TRDN: variants seen among roughly 807,000 people sequenced by gnomAD.
The protein encoded by TRDN is triadin in skeletal muscle.
Under a neutral mutation model 149.7 loss-of-function variants are expected in TRDN, and 161 were observed. The ratio of observed to expected loss-of-function variants is 1.08; its 90% CI spans 0.95 to 1.23. The LOEUF (loss-of-function observed/expected upper bound fraction) is 1.23, where lower values mean the gene tolerates loss of function less well. Ranked by LOEUF, TRDN falls within the 50% of genes most tolerant of loss-of-function variation. TRDN has a pLI of 0.00. For missense variants in TRDN, 896 were observed against 823.5 expected (o/e 1.09, Z -1.08); for synonymous variants, 294 against 250.5 (o/e 1.17, Z -1.64).
chr6:123,454,930 T>C (rs1051396603), intron 10 of TRDN, among the ~76,000 whole-genome samples: 2 of 152,188 alleles, frequency 1.3e-5, no homozygotes, highest in Admixed American at 1.3e-4. Flanking sequence ...CTGATGTAAG[T>C]GACAGAACAA....
chr6:123,350,806 C>A (rs1780434309), intron 21 of TRDN: 1 of 982,212 alleles, frequency 1.0e-6, no homozygotes, highest in South Asian at 4.7e-5. Context: ...TTGAAAGAAC[C>A]TCATTTTTTT....
At chr6:123,284,006 A>ATATATATATATAT (rs1427267027) in intron 24 of TRDN, among the ~76,000 whole-genome samples, 13 of 119,458 alleles carry the variant, frequency 1.1e-4, no homozygotes, top group South Asian at 2.6e-4. Context: ...ATATATATGT[A>ATATATATATATAT]ACAAACCTGC....
chr6:123,464,326 C>T (rs1776656159), intron 10 of TRDN: 3 of 982,242 alleles, frequency 3.1e-6, no homozygotes, highest in Non-Finnish European at 3.6e-6. Flanking sequence ...TAGTATTAAC[C>T]ACCAGTTGTA....
intron 1 of TRDN, among the ~76,000 whole-genome samples, chr6:123,587,957 G>T (rs974164738): frequency 2.6e-5 from 4 of 152,124 alleles, no homozygotes; most frequent in African/African-American, 9.7e-5. Context: ...GGATGTGTAC[G>T]TGCAGGTCAC....
intron 26 of TRDN, among the ~76,000 whole-genome samples, chr6:123,276,707 C>A (rs960263326): frequency 6.6e-6 from 1 of 152,060 alleles, no homozygotes; most frequent in African/African-American, 2.4e-5. Context: ...CTGTGGAGGA[C>A]CCTCTTATCT....
chr6:123,395,211 C>T lies in TRDN; in HGVS notation c.1052-1534G>A, dbSNP rs557042413. 6.2e-4 allele frequency among the ~76,000 whole-genome samples: 95 copies of T among 152,240 alleles called. 3 individuals are homozygous for T. Among genetic ancestry groups the T allele is most frequent in the South Asian group, 4.4e-3 (21 of 4,824 alleles). Reference sequence around the variant, plus strand: ...TTGCAGCCAATTTTCCTCTTATCTTCTCCTTTTTCTTTATATCCTCTTAAA... The same window carrying T: ...TTGCAGCCAATTTTCCTCTTATCTTTTCCTTTTTCTTTATATCCTCTTAAA... On this transcript the variant is annotated intron_variant, in intron 12 of 40. Coordinates refer to ENST00000334268, the MANE Select transcript of TRDN (RefSeq NM_006073.4).
Position 123,385,254 on chromosome 6 carries a change from C to T in TRDN, c.1136-3107G>A, listed in dbSNP as rs569803221. 3.5e-4 allele frequency among the ~76,000 whole-genome samples: 53 copies of T among 151,820 alleles called. 1 individual carries two copies. Among genetic ancestry groups the T allele is most frequent in the African/African-American group, 1.1e-3 (46 of 41,428 alleles). On this transcript the variant is annotated intron_variant, in intron 14 of 40. Transcript: ENST00000334268. ...CATCCTGGCTAACACTGTGAAACCC[C>T]GTCTCTACTAAAAATACAAAAAAAT...
intron 13 of TRDN, among the ~76,000 whole-genome samples, chr6:123,389,841 A>G (rs564732188): frequency 2.6e-5 from 4 of 152,160 alleles, no homozygotes; most frequent in African/African-American, 9.6e-5. Context: ...CCAATGATAT[A>G]ATAAGGATAA....
chr6:123,520,995 G>A (rs1779651319), intron 5 of TRDN, among the ~76,000 whole-genome samples: 1 of 152,106 alleles, frequency 6.6e-6, no homozygotes, highest in Non-Finnish European at 1.5e-5. Flanking sequence ...TTTTTATAAA[G>A]GGCTTCAGGA....
At chr6:123,588,988 T>A (rs1001470291) in intron 1 of TRDN, among the ~76,000 whole-genome samples, 2 of 152,132 alleles carry the variant, frequency 1.3e-5, no homozygotes, top group Non-Finnish European at 2.9e-5. Context: ...CTATGTACAG[T>A]GGGACAGATT....
chr6:123,428,042 A>G (rs1463142494), intron 12 of TRDN, among the ~76,000 whole-genome samples: 1 of 152,164 alleles, frequency 6.6e-6, no homozygotes, highest in Non-Finnish European at 1.5e-5. Context: ...CTAGATTTTC[A>G]CCATCTAGAA....
chr6:123,352,963 G>C (rs946735197), intron 20 of TRDN, among the ~76,000 whole-genome samples: 1 of 151,536 alleles, frequency 6.6e-6, no homozygotes, highest in Admixed American at 6.6e-5. Context: ...CTTTATATTC[G>C]TGCTTAACAT....
chr6:123,265,436 G>T, intron 32 of TRDN, 98 bp from the exon 33 acceptor site: 1 of 728,436 alleles, frequency 1.4e-6, no homozygotes, highest in Non-Finnish European at 2.1e-6. Context: ...GCTTTTTATT[G>T]TAAAAATAAG....
intron 33 of TRDN, among the ~76,000 whole-genome samples, chr6:123,260,910 T>C (rs1419964576): frequency 3.3e-5 from 5 of 151,750 alleles, no homozygotes; most frequent in African/African-American, 1.2e-4. Context: ...TTAGATAGAA[T>C]AAACAAGATC....
intron 35 of TRDN, among the ~76,000 whole-genome samples, chr6:123,256,329 A>G (rs1489672969): frequency 2.6e-5 from 4 of 152,028 alleles, no homozygotes; most frequent in African/African-American, 7.2e-5. Flanking sequence ...TTCTTTATGC[A>G]GTCTATCATT....
At chr6:123,453,123 A>C (rs1775889745) in intron 10 of TRDN, among the ~76,000 whole-genome samples, 1 of 152,346 alleles carries the variant, frequency 6.6e-6, no homozygotes. Flanking sequence ...AAGGATTTAA[A>C]CCTAAGACAT....
At position 123,424,749 on chromosome 6, in the gene TRDN, C is replaced by T. The variant is rs147149642; in HGVS notation, c.1051+13314G>A. ...AGAAAAGCTGCCCAGGTGTTATCGT[C>T]GCCCTTCAGTTGATGAATAGCCTTT... On this transcript the variant is annotated intron_variant, in intron 12 of 40. Coordinates refer to ENST00000334268, the MANE Select transcript of TRDN (RefSeq NM_006073.4). 3.3e-5 allele frequency among the ~76,000 whole-genome samples: 5 copies of T among 152,230 alleles called. No homozygotes were observed. In the East Asian group the frequency reaches 5.8e-4, roughly 18 times the overall value.
intron 19 of TRDN, among the ~76,000 whole-genome samples, chr6:123,370,925 T>A (rs1238718746): frequency 1.3e-5 from 2 of 150,774 alleles, no homozygotes; most frequent in African/African-American, 2.4e-5. Flanking sequence ...TTTTTTTTTT[T>A]AATTTTTGGA....
At chr6:123,504,483 A>T (rs1253857121) in intron 7 of TRDN, among the ~76,000 whole-genome samples, 2 of 152,210 alleles carry the variant, frequency 1.3e-5, no homozygotes, top group African/African-American at 4.8e-5. Flanking sequence ...TAACTGAAAG[A>T]CCTATAGTCT....
Sources: allele counts gnomAD v4.1 joint callset (sites outside exome capture counted in the v4.1 genomes callset), GRCh38; gene constraint gnomAD v4.1.1; transcripts MANE v1.5; gene names NCBI Gene and HGNC (gene_info 2026-07-23, HGNC 2026-07-21).